Variants in ZMYND11 observed in about 807,000 individuals in gnomAD.
ZMYND11 encodes zinc finger MYND-type containing 11, also known as zinc finger MYND domain-containing protein 11.
ZMYND11 carries 9 observed loss-of-function variants against 84.9 expected under a neutral mutation model. The observed-to-expected ratio is 0.11, with a 90% confidence interval of 0.06 to 0.18. The LOEUF (loss-of-function observed/expected upper bound fraction) is 0.18. Ranked by LOEUF, ZMYND11 falls within the 10% of genes least tolerant of loss-of-function variation. ZMYND11 has a pLI of 1.00. For synonymous variants in ZMYND11, 250 were observed against 244.1 expected (o/e 1.02, Z -0.23); for missense variants, 409 against 761.0 (o/e 0.54, Z 5.44).
chr10:144,465 G>A (rs1838236200), intron 1 of ZMYND11, among the ~76,000 whole-genome samples: 1 of 151,794 alleles, frequency 6.6e-6, no homozygotes, highest in Non-Finnish European at 1.5e-5. Flanking sequence ...CAAGTGTTCT[G>A]CCCATCACGG....
upstream of ZMYND11, chr10:135,284 G>A (rs1435894841): frequency 2.6e-5 from 4 of 151,184 alleles, no homozygotes; most frequent in African/African-American, 9.7e-5. The surrounding 1 kb of genome is among the most constrained non-coding windows in gnomAD (Gnocchi z 5.6). Context: ...GCTCAGGCGC[G>A]ACCGCGGCGT....
intron 1 of ZMYND11, among the ~76,000 whole-genome samples, chr10:156,098 A>G (rs781971902): frequency 1.2e-4 from 18 of 152,178 alleles, no homozygotes; most frequent in Non-Finnish European, 1.9e-4. Flanking sequence ...GACAATTTTG[A>G]TCATCATGCC....
At position 220,735 on chromosome 10, in the gene ZMYND11, A is replaced by G. The variant is rs142285300; in HGVS notation, c.277-460A>G. ...CACAGATGAGAAGATAAGAATAGTGAGCATCACCAGTTATTACTATTCTCT... is the reference window on the plus strand; with the variant it reads ...CACAGATGAGAAGATAAGAATAGTGGGCATCACCAGTTATTACTATTCTCT... On this transcript the variant is annotated intron_variant, in intron 3 of 14. Transcript: ENST00000381604. 1.3e-3 allele frequency among the ~76,000 whole-genome samples: 191 copies of G among 150,734 alleles called. 5 individuals are homozygous for G. The East Asian group carries it at 0.034, about 27-fold the overall frequency.
At chr10:206,200 A>G (rs1287445342) in intron 2 of ZMYND11, among the ~76,000 whole-genome samples, 1 of 152,070 alleles carries the variant, frequency 6.6e-6, no homozygotes, top group Non-Finnish European at 1.5e-5. Context: ...TCTCTACTAA[A>G]AATACAAAAA....
intron 10 of ZMYND11, among the ~76,000 whole-genome samples, chr10:245,564 C>G (rs1438476939): frequency 6.6e-6 from 1 of 152,204 alleles, no homozygotes. Flanking sequence ...AACTTGTACT[C>G]TACCGTAGAA....
chr10:133,443 T>A (rs1348375187), upstream of ZMYND11, among the ~76,000 whole-genome samples: 4 of 152,112 alleles, frequency 2.6e-5, no homozygotes, highest in Non-Finnish European at 5.9e-5. Flanking sequence ...AAAATCAGGG[T>A]AAGTTATCTA....
chr10:144,250 G>T (rs1838178672), intron 1 of ZMYND11, among the ~76,000 whole-genome samples: 1 of 151,972 alleles, frequency 6.6e-6, no homozygotes, highest in African/African-American at 2.4e-5. Flanking sequence ...ACAGAATCTT[G>T]CTCTGTTGCC....
chr10:228,461 G>C (rs2131543505), intron 4 of ZMYND11, among the ~76,000 whole-genome samples: 1 of 152,324 alleles, frequency 6.6e-6, no homozygotes, highest in South Asian at 2.1e-4. Context: ...AGCTCACTCA[G>C]TGTTTCCAAA....
chr10:146,062 T>TG, intron 1 of ZMYND11, among the ~76,000 whole-genome samples: 1 of 152,302 alleles, frequency 6.6e-6, no homozygotes, highest in African/African-American at 2.4e-5. Flanking sequence ...TTGTATAAGG[T>TG]GGGAGCTAGG....
At position 242,474 on chromosome 10, in the gene ZMYND11, TAGTTGCTCC is replaced by T. The variant is rs541762286; in HGVS notation, c.950+338_950+346del. Among the ~76,000 whole-genome samples the T allele has an allele frequency of 3.9e-4, 59 of 152,290 alleles. No individual in the cohort carries two copies. The East Asian group carries it at 5.2e-3, about 13-fold the overall frequency. ...ACCATTACCATATTCACAGTTACTC[TAGTTGCTCC>T]AGCCATCTTCAAGGCTCAGTTAAAG... On this transcript the variant is annotated intron_variant, in intron 10 of 14. Coordinates refer to ENST00000381604, the MANE Select transcript of ZMYND11 (RefSeq NM_001370100.5).
intron 2 of ZMYND11, among the ~76,000 whole-genome samples, chr10:188,109 T>G (rs1384392323): frequency 6.6e-6 from 1 of 152,186 alleles, no homozygotes; most frequent in African/African-American, 2.4e-5. Context: ...TTTGTGTAAT[T>G]TGAATAGGTA....
intron 2 of ZMYND11, among the ~76,000 whole-genome samples, chr10:182,998 A>G (rs1372097721): frequency 6.6e-6 from 1 of 152,202 alleles, no homozygotes; most frequent in Non-Finnish European, 1.5e-5. Context: ...GTTACTGTCA[A>G]GAATGCATGT....
intron 2 of ZMYND11, among the ~76,000 whole-genome samples, chr10:194,424 G>A (rs980392937): frequency 6.6e-6 from 1 of 152,146 alleles, no homozygotes; most frequent in Non-Finnish European, 1.5e-5. Context: ...GTAGGCATAC[G>A]TTTTGAGAAC....
In ZMYND11 at chr10:209,964, T is replaced by C; in HGVS notation, c.192T>C (p.Leu64=). 3.1e-6 allele frequency: 5 copies of C among 1,614,132 alleles called. No individual in the cohort carries two copies. The highest frequency in any genetic ancestry group is 4.2e-6 in the Non-Finnish European group (5 of 1,179,984). Residue 64 remains leucine, a synonymous_variant, in exon 3 of 15, where the codon CTT becomes CTC. Coordinates refer to ENST00000381604, the MANE Select transcript of ZMYND11 (RefSeq NM_001370100.5). ...RQLSLAVKDG[L]IVETLTVGCK... ...TGAGCTTAGCTGTGAAAGATGGTCT[T>C]ATTGTCGAAACTCTAACAGTGGGCT... is the stretch of plus-strand genomic sequence containing the variant.
intron 2 of ZMYND11, among the ~76,000 whole-genome samples, chr10:192,471 C>A (rs916419657): frequency 6.6e-6 from 1 of 152,174 alleles, no homozygotes; most frequent in Non-Finnish European, 1.5e-5. Context: ...TATTTCCTTG[C>A]TATGGACACT....
At chr10:193,061 T>G (rs1564356014) in intron 2 of ZMYND11, among the ~76,000 whole-genome samples, 1 of 152,236 alleles carries the variant, frequency 6.6e-6, no homozygotes, top group Non-Finnish European at 1.5e-5. Flanking sequence ...TTCAATCTCT[T>G]CTGCCTAATG....
At chr10:173,141 T>C (rs921835152) in intron 1 of ZMYND11, among the ~76,000 whole-genome samples, 1 of 152,002 alleles carries the variant, frequency 6.6e-6, no homozygotes, top group Non-Finnish European at 1.5e-5. Flanking sequence ...ACTGTAAAAC[T>C]CTTAGGCAAT....
intron 1 of ZMYND11, among the ~76,000 whole-genome samples, chr10:137,253 G>T (rs969168546): frequency 6.6e-6 from 1 of 152,014 alleles, no homozygotes; most frequent in Non-Finnish European, 1.5e-5. Context: ...TGTGTACATG[G>T]TATCTGGTGT....
At chr10:195,228 T>C (rs1941441827) in intron 2 of ZMYND11, among the ~76,000 whole-genome samples, 1 of 152,172 alleles carries the variant, frequency 6.6e-6, no homozygotes, top group Admixed American at 6.5e-5. Context: ...AAGACTTTTG[T>C]AGACAAATAC....
Sources: allele counts gnomAD v4.1 joint callset (sites outside exome capture counted in the v4.1 genomes callset), GRCh38; gene constraint gnomAD v4.1.1; non-coding constraint Gnocchi (gnomAD v3.1); transcripts MANE v1.5; gene names NCBI Gene and HGNC (gene_info 2026-07-23, HGNC 2026-07-21).